CALN1: variants seen among roughly 807,000 people sequenced by gnomAD.
The protein encoded by CALN1 is calcium-binding protein 8.
CALN1 carries 17 observed loss-of-function variants against 30.6 expected under a neutral mutation model. The observed-to-expected ratio is 0.56, with a 90% CI of 0.38 to 0.83. The LOEUF (loss-of-function observed/expected upper bound fraction) is 0.83. Among genes scored for constraint, CALN1 ranks in the 40% least tolerant of loss-of-function variants. The pLI, the probability that CALN1 is intolerant of heterozygous loss-of-function variation, is 0.00. For synonymous variants in CALN1, 156 were observed against 131.4 expected (o/e 1.19, Z -1.28); for missense variants, 291 against 354.9 (o/e 0.82, Z 1.45).
At chr7:71,895,085 G>C (rs1235022541) in intron 5 of CALN1, among the ~76,000 whole-genome samples, 1 of 152,052 alleles carries the variant, frequency 6.6e-6, no homozygotes, top group Non-Finnish European at 1.5e-5. Context: ...CTCCCCAGTA[G>C]CTGAGACCAC....
chr7:72,199,070 T>C (rs895424208), intron 3 of CALN1, among the ~76,000 whole-genome samples: 3 of 152,122 alleles, frequency 2.0e-5, no homozygotes, highest in Non-Finnish European at 2.9e-5. Flanking sequence ...AGGTCAGCAG[T>C]TCGAGATCAG....
At chr7:72,104,350 G>C (rs1457883371) in intron 4 of CALN1, 2 of 152,378 alleles carry the variant, frequency 1.3e-5, no homozygotes, top group Non-Finnish European at 2.9e-5. Flanking sequence ...ATGGCTAAGA[G>C]ATGTGGAATT....
chr7:72,390,764 G>A (rs1585641806), intron 2 of CALN1, among the ~76,000 whole-genome samples: 1 of 152,038 alleles, frequency 6.6e-6, no homozygotes, highest in African/African-American at 2.4e-5. Context: ...TCTACCAATA[G>A]CCCTTATTAT....
intron 5 of CALN1, among the ~76,000 whole-genome samples, chr7:71,965,832 C>T (rs1797504281): frequency 6.6e-6 from 1 of 150,462 alleles, no homozygotes; most frequent in Admixed American, 6.6e-5. Context: ...TGAGTGATTC[C>T]TAAATAATTT....
intron 3 of CALN1, among the ~76,000 whole-genome samples, chr7:72,227,937 A>G (rs1793807842): frequency 6.6e-6 from 1 of 151,824 alleles, no homozygotes; most frequent in Admixed American, 6.6e-5. Flanking sequence ...CTGTCCCAGG[A>G]CCTATGCCTT....
At chr7:72,373,140 A>G (rs1436092381) in intron 2 of CALN1, among the ~76,000 whole-genome samples, 2 of 152,234 alleles carry the variant, frequency 1.3e-5, no homozygotes, top group Non-Finnish European at 2.9e-5. Context: ...CCAGCTTTGC[A>G]TGACATAACC....
intron 4 of CALN1, among the ~76,000 whole-genome samples, chr7:72,060,683 T>C (rs920774242): frequency 5.9e-5 from 9 of 152,168 alleles, no homozygotes; most frequent in Non-Finnish European, 1.0e-4. Context: ...AGATCCTTCA[T>C]AAATGGCTTG....
intron 4 of CALN1, among the ~76,000 whole-genome samples, chr7:72,069,488 C>T (rs1023394299): frequency 2.0e-5 from 3 of 152,044 alleles, no homozygotes; most frequent in Non-Finnish European, 4.4e-5. Flanking sequence ...AAATTCTTTG[C>T]CTCTTCCAGC....
intron 5 of CALN1, among the ~76,000 whole-genome samples, chr7:71,826,265 C>A: frequency 6.6e-6 from 1 of 151,840 alleles, no homozygotes; most frequent in Non-Finnish European, 1.5e-5. Flanking sequence ...TGCAGTCGAC[C>A]CCCAGAATGC....
At chr7:72,453,307 G>A in the CALN1 span, among the ~76,000 whole-genome samples, 2 of 152,232 alleles carry the variant, frequency 1.3e-5, no homozygotes, top group Admixed American at 1.3e-4. Flanking sequence ...ACAGTGTGTG[G>A]AGAGTATCAG....
chr7:72,376,588 C>G (rs1448093123), intron 2 of CALN1, among the ~76,000 whole-genome samples: 1 of 151,980 alleles, frequency 6.6e-6, no homozygotes, highest in Non-Finnish European at 1.5e-5. Flanking sequence ...TGTGCAAGTT[C>G]TTTATATTCT....
At chr7:72,022,661 T>C (rs1800768726) in intron 5 of CALN1, among the ~76,000 whole-genome samples, 1 of 152,200 alleles carries the variant, frequency 6.6e-6, no homozygotes. Context: ...CCCAAAGCAC[T>C]GGAACTACAG....
chr7:72,266,797 G>T (rs762642194), intron 3 of CALN1, among the ~76,000 whole-genome samples: 25 of 152,114 alleles, frequency 1.6e-4, no homozygotes, highest in Non-Finnish European at 3.5e-4. Flanking sequence ...CCTCTTTAAG[G>T]AATGGGCCCT....
At chr7:72,497,517 A>G in the CALN1 span, among the ~76,000 whole-genome samples, 1 of 152,242 alleles carries the variant, frequency 6.6e-6, no homozygotes, top group Non-Finnish European at 1.5e-5. Flanking sequence ...TAAATACTTC[A>G]AGATTTTTAA....
intron 3 of CALN1, among the ~76,000 whole-genome samples, chr7:72,209,610 A>G (rs1792243629): frequency 6.6e-6 from 1 of 151,642 alleles, no homozygotes; most frequent in South Asian, 2.1e-4. Context: ...ATATTCACAG[A>G]CATGTGTATC....
At chr7:72,191,691 G>T (rs905846763) in intron 3 of CALN1, among the ~76,000 whole-genome samples, 2 of 151,976 alleles carry the variant, frequency 1.3e-5, no homozygotes, top group Non-Finnish European at 2.9e-5. Flanking sequence ...TATGTGTTAG[G>T]TTCCCAGGGC....
intron 3 of CALN1, among the ~76,000 whole-genome samples, chr7:72,212,240 T>G (rs1000742183): frequency 6.6e-6 from 1 of 150,616 alleles, no homozygotes; most frequent in African/African-American, 2.5e-5. Flanking sequence ...TCCCAGCTAC[T>G]CGGGAGGCTG....
At chr7:72,413,265 C>T (rs1226266635), upstream of CALN1, among the ~76,000 whole-genome samples, 4 of 147,874 alleles carry the variant, frequency 2.7e-5, no homozygotes, top group Non-Finnish European at 4.4e-5. Flanking sequence ...CATATACATT[C>T]ACACACACAT....
intron 4 of CALN1, among the ~76,000 whole-genome samples, chr7:72,052,328 CG>C (rs897562210): frequency 6.6e-6 from 1 of 152,096 alleles, no homozygotes; most frequent in African/African-American, 2.4e-5. Flanking sequence ...GAGTGGACAC[CG>C]GCCAGGGAAG....
Sources: allele counts gnomAD v4.1 joint callset (sites outside exome capture counted in the v4.1 genomes callset), GRCh38; gene constraint gnomAD v4.1.1; transcripts MANE v1.5; gene names NCBI Gene and HGNC (gene_info 2026-07-23, HGNC 2026-07-21).